FSD2: variants seen among roughly 807,000 people sequenced by gnomAD.
FSD2 encodes fibronectin type III and SPRY domain-containing protein 2.
Under a neutral mutation model 80.4 loss-of-function variants are expected in FSD2, and 71 were observed. The observed-to-expected ratio is 0.88, with a 90% confidence interval of 0.73 to 1.08. The LOEUF (loss-of-function observed/expected upper bound fraction) is 1.08. Among genes scored for constraint, FSD2 ranks in the 50% least tolerant of loss-of-function variants. The pLI is 0.00. For missense variants in FSD2, 923 were observed against 913.8 expected (o/e 1.01, Z -0.13); for synonymous variants, 361 against 329.5 (o/e 1.10, Z -1.03).
At chr15:82,770,005 T>G (rs1446746735) in intron 7 of FSD2, 121 bp from the exon 8 acceptor site, 1 of 1,064,440 alleles carries the variant, frequency 9.4e-7, no homozygotes, top group Non-Finnish European at 1.4e-6. Context: ...CATCCCTGTA[T>G]GCACTCCCTC....
chr15:82,777,231 A>G (rs898995802), intron 6 of FSD2, among the ~76,000 whole-genome samples: 16 of 152,252 alleles, frequency 1.1e-4, no homozygotes, highest in African/African-American at 3.9e-4. Context: ...ATGGCACTAC[A>G]TCATACTAAA....
At chr15:82,788,862 G>A (rs2050071828) in intron 1 of FSD2, among the ~76,000 whole-genome samples, 2 of 151,626 alleles carry the variant, frequency 1.3e-5, no homozygotes, top group Non-Finnish European at 2.9e-5. Flanking sequence ...AAAAATTTAA[G>A]CATTTGCCAG....
chr15:82,762,228 C>T lies in FSD2; in HGVS notation c.1871G>A (p.Trp624Ter). The T allele has an allele frequency of 1.2e-6, 2 of 1,613,992 alleles. No homozygotes were observed. The highest frequency in any genetic ancestry group is 8.5e-7 in the Non-Finnish European group (1 of 1,179,876). ...CAAATGCTCATCCACCTCCACCTCC[C>T]AGTAATGGTGCCCTCGGACTGGAAT... is the stretch of plus-strand genomic sequence containing the variant. Reference protein sequence around the residue: ...NLIPVRGHHYWEVEVDEHLDY... With the variant: ...NLIPVRGHHY The change falls in exon 12 of 13, where the codon TGG becomes TAG. Residue 624 changes from tryptophan (W) to a stop codon, truncating the protein, a stop_gained. Coordinates refer to ENST00000334574, the MANE Select transcript of FSD2 (RefSeq NM_001007122.4). LOFTEE classifies it high-confidence loss of function.
At chr15:82,798,167 C>T (rs1244919473) in intron 1 of FSD2, among the ~76,000 whole-genome samples, 1 of 151,948 alleles carries the variant, frequency 6.6e-6, no homozygotes, top group Non-Finnish European at 1.5e-5. Flanking sequence ...AAAGAAACCT[C>T]ACCTCTATTT....
At chr15:82,778,928 A>C in intron 5 of FSD2, 41 bp from the exon 6 acceptor site, 1 of 1,611,246 alleles carries the variant, frequency 6.2e-7, no homozygotes, top group Non-Finnish European at 8.5e-7. Context: ...ATGGAGGGGC[A>C]TTCTCCTTAG....
intron 6 of FSD2, among the ~76,000 whole-genome samples, chr15:82,775,966 C>A (rs1362170686): frequency 2.0e-5 from 3 of 152,052 alleles, no homozygotes; most frequent in Non-Finnish European, 2.9e-5. Flanking sequence ...TTATTGATTT[C>A]TAGTTTCATA....
At chr15:82,769,083 G>A (rs2151494190) in intron 8 of FSD2, 53 bp from the exon 9 acceptor site, 2 of 1,420,924 alleles carry the variant, frequency 1.4e-6, no homozygotes, top group Non-Finnish European at 1.9e-6. Flanking sequence ...ATTTCCAGCT[G>A]TTTTGTTCAG....
intron 9 of FSD2, among the ~76,000 whole-genome samples, 199 bp downstream of exon 9, chr15:82,768,681 A>G (rs2049482884): frequency 6.6e-6 from 1 of 152,232 alleles, no homozygotes; most frequent in Admixed American, 6.5e-5. Flanking sequence ...CTGAGGTTCA[A>G]CCAACTTATT....
In FSD2 at chr15:82,786,572, T is replaced by G. The variant is rs760279808; in HGVS notation, c.674A>C (p.Lys225Thr). Residue 225 changes from lysine to threonine, a missense_variant, in exon 3 of 13, where the codon AAG becomes ACG. Coordinates refer to ENST00000334574, the MANE Select transcript of FSD2 (RefSeq NM_001007122.4). ...AAAGTTTTCCATCTCAATTATCTGCTTTTCCAATTTGTACATGTTTTTGTG... is the reference window on the plus strand; with the variant it reads ...AAAGTTTTCCATCTCAATTATCTGCGTTTCCAATTTGTACATGTTTTTGTG... ...EIHKNMYKLE[K>T]QIIEMENFAN... is the part of the protein sequence containing the mutation. The G allele has an allele frequency of 3.7e-6, 6 of 1,613,644 alleles. No individual in the cohort carries two copies. Among genetic ancestry groups the G allele is most frequent in the Non-Finnish European group, 5.1e-6 (6 of 1,179,682 alleles).
At chr15:82,804,659 T>A (rs1256547680) in intron 1 of FSD2, among the ~76,000 whole-genome samples, 1 of 152,194 alleles carries the variant, frequency 6.6e-6, no homozygotes, top group Admixed American at 6.5e-5. Context: ...GTATGACCAA[T>A]AAATCATCAT....
At chr15:82,795,720 T>C (rs1001071328) in intron 1 of FSD2, among the ~76,000 whole-genome samples, 15 of 151,928 alleles carry the variant, frequency 9.9e-5, no homozygotes, top group Non-Finnish European at 2.2e-4. Context: ...TAATCCCAGC[T>C]ACTCAGGAGG....
chr15:82,779,084 G>T (rs1401863239), intron 5 of FSD2, among the ~76,000 whole-genome samples, 197 bp from the exon 6 acceptor site: 2 of 152,114 alleles, frequency 1.3e-5, no homozygotes, highest in South Asian at 2.1e-4. Flanking sequence ...GGGTGGGATT[G>T]GTTTGTGCCT....
chr15:82,786,719 C>G, intron 2 of FSD2, 33 bp downstream of exon 2: 1 of 1,609,854 alleles, frequency 6.2e-7, no homozygotes. Flanking sequence ...AAAGCAATAT[C>G]AAGACAGAGA....
At chr15:82,788,294 G>C (rs368574491) in intron 1 of FSD2, among the ~76,000 whole-genome samples, 1 of 148,696 alleles carries the variant, frequency 6.7e-6, no homozygotes, top group African/African-American at 2.5e-5. Context: ...TCAGGAGTTC[G>C]AGATCGTCCT....
chr15:82,777,120 C>T (rs1488826616), intron 6 of FSD2, among the ~76,000 whole-genome samples: 1 of 152,170 alleles, frequency 6.6e-6, no homozygotes, highest in African/African-American at 2.4e-5. Flanking sequence ...TGTATAACTT[C>T]TTAAAGAAAA....
intron 1 of FSD2, among the ~76,000 whole-genome samples, chr15:82,802,579 T>TGGGGGAGGAAGAGTA (rs896448117): frequency 3.9e-5 from 6 of 152,094 alleles, no homozygotes; most frequent in African/African-American, 9.7e-5. Context: ...CTTGGCATCA[T>TGGGGGAGGAAGAGTA]GGGGGAGGAA....
Position 82,786,831 on chromosome 15 carries a change from A to G in FSD2, c.560T>C (p.Ile187Thr). 1 of 1,613,968 alleles carries G rather than the reference A, an allele frequency of 6.2e-7. No homozygotes were observed. Among genetic ancestry groups the G allele is most frequent in the Non-Finnish European group, 8.5e-7 (1 of 1,179,878 alleles). ...DVFCVTCKTP[I>T]RAFQKVFDEH... ...ATCAAAAACCTTCTGAAAAGCTCTTATTGGAGTCTTACAAGTGACACAGAA... is the reference window on the plus strand; with the variant it reads ...ATCAAAAACCTTCTGAAAAGCTCTTGTTGGAGTCTTACAAGTGACACAGAA... The change falls in exon 2 of 13, where the codon ATA (isoleucine) becomes ACA (threonine). Residue 187 changes from isoleucine (I) to threonine (T), a missense_variant. Ile to Thr is a moderately conservative substitution (Grantham distance 89). Coordinates refer to ENST00000334574, the MANE Select transcript of FSD2 (RefSeq NM_001007122.4).
At chr15:82,803,742 C>A (rs958922776) in intron 1 of FSD2, among the ~76,000 whole-genome samples, 2 of 152,146 alleles carry the variant, frequency 1.3e-5, no homozygotes, top group Non-Finnish European at 2.9e-5. Flanking sequence ...CTAATTCATG[C>A]TGATTCTGAC....
chr15:82,795,779 C>A (rs1485169757), intron 1 of FSD2, among the ~76,000 whole-genome samples: 3 of 151,630 alleles, frequency 2.0e-5, no homozygotes, highest in African/African-American at 4.8e-5. Flanking sequence ...TTGTAGTGAG[C>A]TGAGATTGCA....
Sources: gnomAD v4.1 joint callset for allele counts (sites outside exome capture counted in the v4.1 genomes callset) on GRCh38, gnomAD v4.1.1 for gene constraint, MANE v1.5 for transcripts, NCBI Gene and HGNC (gene_info 2026-07-23, HGNC 2026-07-21) for gene names.